PREP: variants seen among roughly 807,000 people sequenced by gnomAD.
PREP encodes the protein dJ355L5.1 (prolyl endopeptidase).
A neutral mutation model predicts 87.6 loss-of-function variants in PREP; 29 were observed. That is an observed-to-expected ratio of 0.33 (90% CI 0.25 to 0.45). The LOEUF (loss-of-function observed/expected upper bound fraction) is 0.45. Ranked by LOEUF, PREP falls within the 20% of genes least tolerant of loss-of-function variation. The pLI is 1.00. For synonymous variants in PREP, 337 were observed against 328.6 expected (o/e 1.03, Z -0.28); for missense variants, 695 against 886.5 (o/e 0.78, Z 2.74).
At chr6:105,301,313 C>T (rs935870773) in intron 10 of PREP, among the ~76,000 whole-genome samples, 2 of 152,194 alleles carry the variant, frequency 1.3e-5, no homozygotes, top group Non-Finnish European at 2.9e-5. Context: ...GTCTGTGCTA[C>T]GTGTGCCAAA....
intron 14 of PREP, chr6:105,281,006 A>G (rs1770070765): frequency 6.6e-6 from 1 of 152,270 alleles, no homozygotes; most frequent in Admixed American, 6.5e-5. Context: ...CACAAATTTT[A>G]GCAGCTTGAA....
intron 2 of PREP, among the ~76,000 whole-genome samples, chr6:105,385,211 TAAC>T (rs1291378810): frequency 8.2e-6 from 1 of 121,854 alleles, no homozygotes; most frequent in African/African-American, 3.1e-5. Context: ...AATTTTAAAA[TAAC>T]AAGAGAAAAT....
intron 10 of PREP, among the ~76,000 whole-genome samples, chr6:105,306,397 G>A (rs911856958): frequency 2.0e-5 from 3 of 152,068 alleles, no homozygotes; most frequent in Non-Finnish European, 4.4e-5. Context: ...TCTACTACCT[G>A]GTAATTAGCA....
At chr6:105,302,345 T>C (rs1770553925) in intron 10 of PREP, 1 of 199,688 alleles carries the variant, frequency 5.0e-6, no homozygotes. Flanking sequence ...GAGTTCTGCA[T>C]TGTTTGCCTT....
Position 105,302,832 on chromosome 6 carries a change from A to G in PREP, c.1318-13938T>C, listed in dbSNP as rs756508726. The G allele has an allele frequency of 1.4e-4, 54 of 379,050 alleles. No individual in the cohort carries two copies. The Admixed American group carries it at 1.8e-3, about 13-fold the overall frequency. The allele number at this position is 379,050 out of a possible 1,614,324, so 23.5% of individuals were successfully genotyped here. A position where few individuals can be genotyped will look rare whatever the true frequency, so the allele number is the denominator to read the frequency against. On this transcript the variant is annotated intron_variant, in intron 10 of 14. Transcript: ENST00000652536. Reference sequence around the variant, plus strand: ...GACTTGATCTTAGCCATTGCTGCACAGGCCGCCCCCGCCGCCTGCTCCGAG... The same window carrying G: ...GACTTGATCTTAGCCATTGCTGCACGGGCCGCCCCCGCCGCCTGCTCCGAG...
chr6:105,351,396 A>C (rs1004443653), intron 7 of PREP, among the ~76,000 whole-genome samples: 3 of 133,542 alleles, frequency 2.2e-5, no homozygotes, highest in African/African-American at 8.8e-5. Context: ...AGCCTAGTGC[A>C]CCTCTGTACT....
chr6:105,284,332 G>A (rs1358878), intron 12 of PREP, among the ~76,000 whole-genome samples: 38,501 of 151,916 alleles, frequency 0.25, 7,208 homozygotes, highest in African/African-American at 0.54. Flanking sequence ...CTGGATGCCC[G>A]GGGGTCATTT....
chr6:105,300,145 T>C (rs371431228), intron 10 of PREP, among the ~76,000 whole-genome samples: 12 of 152,148 alleles, frequency 7.9e-5, no homozygotes, highest in African/African-American at 2.9e-4. Flanking sequence ...GATCTGCCCA[T>C]CTCAACCTCC....
chr6:105,306,154 T>C (rs561985293), intron 10 of PREP, among the ~76,000 whole-genome samples: 6 of 151,168 alleles, frequency 4.0e-5, no homozygotes, highest in African/African-American at 1.4e-4. Context: ...TATATATACC[T>C]TTTTATTATC....
At chr6:105,391,273 T>C (rs1773139327) in intron 2 of PREP, among the ~76,000 whole-genome samples, 1 of 151,760 alleles carries the variant, frequency 6.6e-6, no homozygotes, top group Non-Finnish European at 1.5e-5. Context: ...TTCCAGCTAC[T>C]CAGGAGGCTG....
intron 6 of PREP, among the ~76,000 whole-genome samples, chr6:105,358,499 T>A (rs1163181642): frequency 1.3e-5 from 2 of 152,152 alleles, no homozygotes; most frequent in Non-Finnish European, 2.9e-5. Flanking sequence ...GAGAGTGTGG[T>A]ATTCTACAGA....
chr6:105,306,496 T>G (rs1235347217), intron 10 of PREP, among the ~76,000 whole-genome samples: 1 of 152,186 alleles, frequency 6.6e-6, no homozygotes, highest in Non-Finnish European at 1.5e-5. Flanking sequence ...CACTGCTACC[T>G]GACATTGACT....
chr6:105,365,868 T>G (rs1301991466), intron 6 of PREP, among the ~76,000 whole-genome samples: 1 of 141,600 alleles, frequency 7.1e-6, no homozygotes, highest in Non-Finnish European at 1.5e-5. Flanking sequence ...CACTTTATAT[T>G]GTTCCTTTAG....
chr6:105,292,712 A>C (rs1413473753), intron 10 of PREP, among the ~76,000 whole-genome samples: 1 of 152,252 alleles, frequency 6.6e-6, no homozygotes, highest in Non-Finnish European at 1.5e-5. Context: ...ATCTTCTCCC[A>C]ATATAAGGCT....
chr6:105,340,654 G>A (rs773121466), intron 7 of PREP, among the ~76,000 whole-genome samples: 9 of 152,008 alleles, frequency 5.9e-5, no homozygotes, highest in Non-Finnish European at 1.0e-4. Flanking sequence ...CCCATCTCAC[G>A]TGCAGAGACA....
intron 2 of PREP, among the ~76,000 whole-genome samples, chr6:105,378,527 A>G (rs1447118306): frequency 1.3e-5 from 2 of 152,234 alleles, no homozygotes; most frequent in African/African-American, 4.8e-5. Flanking sequence ...AACATGGTTT[A>G]TAAGAAAGGC....
At chr6:105,348,050 G>C (rs992677516) in intron 7 of PREP, among the ~76,000 whole-genome samples, 2 of 152,106 alleles carry the variant, frequency 1.3e-5, no homozygotes, top group Non-Finnish European at 2.9e-5. Context: ...AGGATCATAG[G>C]AGTCAAGACT....
intron 2 of PREP, among the ~76,000 whole-genome samples, chr6:105,387,952 C>T (rs1773046668): frequency 6.6e-6 from 1 of 152,100 alleles, no homozygotes; most frequent in Non-Finnish European, 1.5e-5. Context: ...CAATACTCAG[C>T]ACAGTGGGCA....
intron 6 of PREP, among the ~76,000 whole-genome samples, chr6:105,354,626 C>T (rs1049028940): frequency 6.6e-6 from 1 of 151,888 alleles, no homozygotes; most frequent in Non-Finnish European, 1.5e-5. Flanking sequence ...AGTTGATGGC[C>T]TTAACAGAAC....
Sources: gnomAD v4.1 joint callset for allele counts (sites outside exome capture counted in the v4.1 genomes callset) on GRCh38, gnomAD v4.1.1 for gene constraint, MANE v1.5 for transcripts, NCBI Gene and HGNC (gene_info 2026-07-23, HGNC 2026-07-21) for gene names.